ZDHHC14: variants seen among roughly 807,000 people sequenced by gnomAD.
ZDHHC14 encodes the protein palmitoyltransferase ZDHHC14.
In ZDHHC14, 16 loss-of-function variants were observed where a neutral mutation model predicts 47.7. That is an observed-to-expected ratio of 0.34 (90% CI 0.23 to 0.51). The LOEUF (loss-of-function observed/expected upper bound fraction) is 0.51, where lower values mean the gene tolerates loss of function less well. ZDHHC14 is among the 20% of genes least tolerant of loss of function. ZDHHC14 has a pLI of 0.97. For missense variants in ZDHHC14, 515 were observed against 662.5 expected (o/e 0.78, Z 2.44); for synonymous variants, 293 against 278.9 (o/e 1.05, Z -0.50).
intron 1 of ZDHHC14, among the ~76,000 whole-genome samples, chr6:157,533,939 A>G (rs1468356281): frequency 1.3e-5 from 2 of 152,234 alleles, no homozygotes; most frequent in Admixed American, 6.5e-5. Flanking sequence ...AACTCTTTCA[A>G]TAAGTATGAA....
chr6:157,658,274 C>T (rs117544711), intron 8 of ZDHHC14, among the ~76,000 whole-genome samples: 1 of 152,330 alleles, frequency 6.6e-6, no homozygotes, highest in Non-Finnish European at 1.5e-5. Context: ...TCTTGCCTCA[C>T]TGGTCCTCAG....
chr6:157,438,040 A>C (rs1778479225), intron 1 of ZDHHC14, among the ~76,000 whole-genome samples: 1 of 152,202 alleles, frequency 6.6e-6, no homozygotes, highest in Non-Finnish European at 1.5e-5. Context: ...TATACATAAC[A>C]TAAAATTTAC....
intron 1 of ZDHHC14, among the ~76,000 whole-genome samples, chr6:157,508,416 G>T (rs771952447): frequency 1.9e-4 from 29 of 152,160 alleles, no homozygotes; most frequent in Non-Finnish European, 4.0e-4. Context: ...GCCCAGGTTG[G>T]AGTGCAGTGG....
At chr6:157,563,283 T>C (rs1320246786) in intron 2 of ZDHHC14, among the ~76,000 whole-genome samples, 4 of 152,228 alleles carry the variant, frequency 2.6e-5, no homozygotes, top group Non-Finnish European at 5.9e-5. Context: ...GAAAGGCCCC[T>C]GCCCGAGCTT....
intron 3 of ZDHHC14, among the ~76,000 whole-genome samples, chr6:157,595,609 G>T (rs1012411623): frequency 6.6e-6 from 1 of 152,122 alleles, no homozygotes; most frequent in Non-Finnish European, 1.5e-5. Context: ...AATCACATTT[G>T]TTCCCTCCCA....
chr6:157,415,519 G>T (rs1777955565), intron 1 of ZDHHC14, among the ~76,000 whole-genome samples: 1 of 152,228 alleles, frequency 6.6e-6, no homozygotes, highest in Admixed American at 6.5e-5. Context: ...CAAAGAACTT[G>T]TCAGAAATAA....
At chr6:157,382,287 C>A in intron 1 of ZDHHC14, 21 bp downstream of exon 1, 2 of 1,610,018 alleles carry the variant, frequency 1.2e-6, no homozygotes, top group Non-Finnish European at 1.7e-6. Context: ...GCGACCGCTC[C>A]CCCGACGCCG....
Position 157,628,679 on chromosome 6 carries a change from A to C in ZDHHC14, c.703+193A>C, listed in dbSNP as rs539921819. 4.7e-4 allele frequency: 309 copies of C among 656,668 alleles called. 2 individuals carry two copies. In the East Asian group the frequency reaches 8.8e-3, roughly 19 times the overall value. 40.7% of individuals were successfully genotyped at this position (656,668 alleles called of 1,614,324 possible). On this transcript the variant is annotated intron_variant, in intron 4 of 8. Transcript: ENST00000359775. ...CTCCATCCCTCCTCCGTCCCCTGTC[A>C]TCCCCCACTCCCCACCCCATCTTTC...
intron 3 of ZDHHC14, among the ~76,000 whole-genome samples, chr6:157,597,884 C>T (rs547619330): frequency 3.4e-4 from 52 of 152,390 alleles, no homozygotes; most frequent in South Asian, 8.3e-4. Flanking sequence ...CAGGCGCCCT[C>T]TGCAGGGACT....
At chr6:157,633,116 C>G (rs893983979) in intron 5 of ZDHHC14, among the ~76,000 whole-genome samples, 1 of 152,144 alleles carries the variant, frequency 6.6e-6, no homozygotes, top group Admixed American at 6.5e-5. Flanking sequence ...CTTATCCACC[C>G]CCAGAAATCA....
At chr6:157,622,216 CAAAAA>C (rs35681787) in intron 3 of ZDHHC14, among the ~76,000 whole-genome samples, 38,703 of 93,810 alleles carry the variant, frequency 0.41, 5,791 homozygotes, top group East Asian at 0.77. Flanking sequence ...ACTAAAAATA[CAAAAA>C]AAAAAAAAAA....
At chr6:157,616,937 C>T (rs1784990763) in intron 3 of ZDHHC14, among the ~76,000 whole-genome samples, 1 of 152,100 alleles carries the variant, frequency 6.6e-6, no homozygotes, top group Non-Finnish European at 1.5e-5. Context: ...TTCCCTTGGC[C>T]CCCAGATCTC....
At chr6:157,400,481 G>T (rs1029618734) in intron 1 of ZDHHC14, among the ~76,000 whole-genome samples, 2 of 152,194 alleles carry the variant, frequency 1.3e-5, no homozygotes, top group Non-Finnish European at 1.5e-5. Context: ...GCAGAGAAAG[G>T]AAAATTTCAT....
chr6:157,610,869 G>A (rs1302507639), intron 3 of ZDHHC14, among the ~76,000 whole-genome samples: 1 of 152,230 alleles, frequency 6.6e-6, no homozygotes, highest in African/African-American at 2.4e-5. Context: ...TAATCAGAGT[G>A]CCAATTTATA....
intron 1 of ZDHHC14, among the ~76,000 whole-genome samples, chr6:157,465,050 C>T (rs192401064): frequency 3.3e-5 from 5 of 151,446 alleles, no homozygotes; most frequent in Admixed American, 2.0e-4. Context: ...GAATTTGCAG[C>T]CATCTAACCT....
chr6:157,642,249 C>T (rs991583101), intron 5 of ZDHHC14, among the ~76,000 whole-genome samples: 2 of 152,160 alleles, frequency 1.3e-5, no homozygotes, highest in Admixed American at 6.5e-5. Flanking sequence ...CAAATACTGA[C>T]GCATCCTAAC....
chr6:157,605,686 T>C (rs570256086), intron 3 of ZDHHC14, among the ~76,000 whole-genome samples: 3 of 152,236 alleles, frequency 2.0e-5, no homozygotes, highest in South Asian at 2.1e-4. Flanking sequence ...AAGCAGCAGG[T>C]GACAAGTCAG....
intron 1 of ZDHHC14, among the ~76,000 whole-genome samples, chr6:157,391,155 A>G (rs1777412174): frequency 6.6e-6 from 1 of 152,186 alleles, no homozygotes; most frequent in Non-Finnish European, 1.5e-5. Context: ...TGAGCCCTGG[A>G]AAAACTCTGG....
chr6:157,636,005 C>G (rs1409624818), intron 5 of ZDHHC14, among the ~76,000 whole-genome samples: 1 of 152,134 alleles, frequency 6.6e-6, no homozygotes, highest in Non-Finnish European at 1.5e-5. Flanking sequence ...GGCGCTCCCC[C>G]TTGCAGGAGT....
Sources: allele counts gnomAD v4.1 joint callset (sites outside exome capture counted in the v4.1 genomes callset), GRCh38; gene constraint gnomAD v4.1.1; transcripts MANE v1.5; gene names NCBI Gene and HGNC (gene_info 2026-07-23, HGNC 2026-07-21).